ZNF521: variants seen among roughly 807,000 people sequenced by gnomAD.
ZNF521 encodes zinc finger protein 521, also known as LYST-interacting protein 3.
ZNF521 carries 14 observed loss-of-function variants against 105.5 expected under a neutral mutation model. That is an observed-to-expected ratio of 0.13 (90% CI 0.09 to 0.21). The LOEUF (loss-of-function observed/expected upper bound fraction) is 0.21. Ranked by LOEUF, ZNF521 falls within the 10% of genes least tolerant of loss-of-function variation. ZNF521 has a pLI of 1.00. For synonymous variants in ZNF521, 635 were observed against 606.0 expected, an observed-to-expected ratio of 1.05 and a Z score of -0.70; for missense variants, 1,233 against 1,629.7, an observed-to-expected ratio of 0.76 and a Z score of 4.19.
chr18:25,229,937 A>G (rs1906425950), intron 3 of ZNF521, among the ~76,000 whole-genome samples: 5 of 152,238 alleles, frequency 3.3e-5, no homozygotes, highest in Admixed American at 3.3e-4. Context: ...AAATACATAA[A>G]GAATTATAGA....
chr18:25,169,411 C>T (rs2035407944), intron 5 of ZNF521, among the ~76,000 whole-genome samples: 1 of 152,138 alleles, frequency 6.6e-6, no homozygotes, highest in Non-Finnish European at 1.5e-5. Flanking sequence ...ATACAAGGTA[C>T]ATCTTGTCAC....
At chr18:25,160,411 T>G (rs895128976) in intron 5 of ZNF521, among the ~76,000 whole-genome samples, 2 of 152,162 alleles carry the variant, frequency 1.3e-5, no homozygotes, top group African/African-American at 4.8e-5. Flanking sequence ...CGTGATTAAT[T>G]TGAAGCAAGT....
chr18:25,242,917 C>T (rs139981966), intron 3 of ZNF521, among the ~76,000 whole-genome samples: 11 of 152,282 alleles, frequency 7.2e-5, no homozygotes, highest in East Asian at 5.8e-4. Context: ...TGTTACAATA[C>T]GTTCTCACTA....
chr18:25,068,355 T>A (rs1011891746), intron 7 of ZNF521, among the ~76,000 whole-genome samples: 2 of 152,236 alleles, frequency 1.3e-5, no homozygotes, highest in African/African-American at 4.8e-5. Context: ...TCACTTGGGT[T>A]GGACCTTTAT....
intron 4 of ZNF521, among the ~76,000 whole-genome samples, chr18:25,223,623 T>C (rs1445462909): frequency 6.6e-6 from 1 of 152,150 alleles, no homozygotes; most frequent in Non-Finnish European, 1.5e-5. Context: ...AATGATTTCA[T>C]TATAAATGAA....
chr18:25,096,434 T>C (rs35889630), intron 5 of ZNF521, among the ~76,000 whole-genome samples: 2 of 152,164 alleles, frequency 1.3e-5, no homozygotes, highest in Admixed American at 6.5e-5. Context: ...ATTTGGATGC[T>C]CAAGCACAGG....
chr18:25,242,227 T>TA (rs1191219674), intron 3 of ZNF521, among the ~76,000 whole-genome samples: 2 of 152,176 alleles, frequency 1.3e-5, no homozygotes, highest in African/African-American at 4.8e-5. Context: ...AAGGACTCAA[T>TA]AGCCTGTGTC....
At chr18:25,250,129 C>T (rs948739492) in intron 3 of ZNF521, among the ~76,000 whole-genome samples, 1 of 151,976 alleles carries the variant, frequency 6.6e-6, no homozygotes, top group African/African-American at 2.4e-5. Flanking sequence ...TTAGTAGAGA[C>T]GGGGTTTCAT....
At chr18:25,152,387 G>A (rs2035064436) in intron 5 of ZNF521, among the ~76,000 whole-genome samples, 1 of 151,702 alleles carries the variant, frequency 6.6e-6, no homozygotes, top group African/African-American at 2.4e-5. Flanking sequence ...GCTGATGTAG[G>A]AGAATCACTT....
At chr18:25,150,877 TTTTTTTC>T (rs1217537641) in intron 5 of ZNF521, among the ~76,000 whole-genome samples, 4 of 149,208 alleles carry the variant, frequency 2.7e-5, no homozygotes, top group African/African-American at 7.3e-5. Flanking sequence ...TCCAGCTCTT[TTTTTTTC>T]TTTTTTCTTT....
intron 4 of ZNF521, among the ~76,000 whole-genome samples, chr18:25,218,320 T>C (rs185204505): frequency 8.7e-4 from 132 of 151,460 alleles, no homozygotes; most frequent in African/African-American, 2.7e-3. Context: ...AGATCAGAGA[T>C]TGAACTTAAA....
At chr18:25,178,484 C>T (rs2035572102) in intron 5 of ZNF521, among the ~76,000 whole-genome samples, 1 of 152,178 alleles carries the variant, frequency 6.6e-6, no homozygotes, top group Non-Finnish European at 1.5e-5. Flanking sequence ...CTCATTCACA[C>T]ATTAGTATTA....
At chr18:25,318,782 G>A (rs944278472) in intron 3 of ZNF521, among the ~76,000 whole-genome samples, 6 of 152,008 alleles carry the variant, frequency 3.9e-5, no homozygotes, top group Non-Finnish European at 8.8e-5. Context: ...TGAATTTTAT[G>A]AGCCATATTA....
chr18:25,152,023 C>T (rs1033550330), intron 5 of ZNF521, among the ~76,000 whole-genome samples: 1 of 152,274 alleles, frequency 6.6e-6, no homozygotes. Context: ...CCACTGCCTA[C>T]ACAGATCTCC....
intron 2 of ZNF521, among the ~76,000 whole-genome samples, chr18:25,350,165 GC>G (rs1402642172): frequency 6.6e-6 from 1 of 152,102 alleles, no homozygotes; most frequent in African/African-American, 2.4e-5. Flanking sequence ...CCGCACGCAC[GC>G]CCCGCAACTT....
At position 25,186,001 on chromosome 18, in the gene ZNF521, A is replaced by G. The variant is rs183556487; in HGVS notation, c.3658+9159T>C. ...TTTATCCCTCATAAAATGAACTGAA[A>G]TAATGTTTTTAGGTAAACATAACAC... On this transcript the variant is annotated intron_variant, in intron 5 of 7. Coordinates refer to ENST00000361524, the MANE Select transcript of ZNF521 (RefSeq NM_015461.3). Among the ~76,000 whole-genome samples, 277 of 152,340 alleles carry G rather than the reference A, an allele frequency of 1.8e-3. 4 individuals carry two copies. Among genetic ancestry groups the G allele is most frequent in the Non-Finnish European group, 3.1e-4 (21 of 68,032 alleles).
intron 3 of ZNF521, among the ~76,000 whole-genome samples, chr18:25,283,510 C>T (rs956712456): frequency 6.6e-6 from 1 of 152,152 alleles, no homozygotes; most frequent in Non-Finnish European, 1.5e-5. Flanking sequence ...TCAGCAAGAA[C>T]ATTAGTTTAA....
intron 4 of ZNF521, among the ~76,000 whole-genome samples, chr18:25,213,077 C>T (rs2036221135): frequency 6.6e-6 from 1 of 151,180 alleles, no homozygotes; most frequent in South Asian, 2.1e-4. Context: ...CAGGCTACAT[C>T]ACCCAGCATG....
intron 5 of ZNF521, among the ~76,000 whole-genome samples, chr18:25,112,644 T>C (rs190570463): frequency 6.6e-6 from 1 of 152,152 alleles, no homozygotes; most frequent in East Asian, 1.9e-4. Context: ...TAGTAGGGAA[T>C]GTGGGGTGCG....
Sources: gnomAD v4.1 joint callset for allele counts (sites outside exome capture counted in the v4.1 genomes callset) on GRCh38, gnomAD v4.1.1 for gene constraint, MANE v1.5 for transcripts, NCBI Gene and HGNC (gene_info 2026-07-23, HGNC 2026-07-21) for gene names.